DOCK1: variants seen among roughly 807,000 people sequenced by gnomAD.
DOCK1 encodes the protein dedicator of cytokinesis protein 1.
Under a neutral mutation model 262.7 loss-of-function variants are expected in DOCK1, and 138 were observed. The observed-to-expected ratio is 0.53, with a 90% CI of 0.46 to 0.61. The LOEUF (loss-of-function observed/expected upper bound fraction) is 0.61, where lower values mean the gene tolerates loss of function less well. Ranked by LOEUF, DOCK1 falls within the 20% of genes least tolerant of loss-of-function variation. The probability of loss-of-function intolerance (pLI) is 0.00; values close to 1 mark genes in which losing one functional copy is unlikely to be tolerated. For synonymous variants in DOCK1, 866 were observed against 867.4 expected (o/e 1.00, Z 0.03); for missense variants, 1,908 against 2,370.7 (o/e 0.80, Z 4.05).
At chr10:127,093,459 C>T (rs1308881077) in intron 23 of DOCK1, among the ~76,000 whole-genome samples, 1 of 151,366 alleles carries the variant, frequency 6.6e-6, no homozygotes, top group East Asian at 1.9e-4. Flanking sequence ...GTCAAGTAAT[C>T]GTCCTACCTC....
Position 127,210,028 on chromosome 10 carries a change from A to G in DOCK1, c.2848-37980A>G, listed in dbSNP as rs187642248. On this transcript the variant is annotated intron_variant, in intron 27 of 51. Transcript: ENST00000623213. ...CTTGACTGCTAGGCTGCTGGTACAA[A>G]TCATCTTTCTCTCTTTCTAGTCACC... Among the ~76,000 whole-genome samples, 152 of 152,278 alleles carry G rather than the reference A, an allele frequency of 1.0e-3. 1 individual carries two copies. The highest frequency in any genetic ancestry group is 3.4e-3 in the African/African-American group (140 of 41,556).
At chr10:127,413,593 G>A (rs1019084172) in intron 43 of DOCK1, among the ~76,000 whole-genome samples, 1 of 152,190 alleles carries the variant, frequency 6.6e-6, no homozygotes, top group Non-Finnish European at 1.5e-5. Context: ...GGGCACTGAC[G>A]AGGAGGAAGA....
At chr10:127,144,908 C>G (rs2051648144) in intron 27 of DOCK1, among the ~76,000 whole-genome samples, 1 of 152,132 alleles carries the variant, frequency 6.6e-6, no homozygotes, top group South Asian at 2.1e-4. Context: ...AGATCTGTCC[C>G]CTTTTCCTGG....
intron 18 of DOCK1, 33 bp from the exon 19 acceptor site, chr10:127,037,686 T>G: frequency 6.5e-7 from 1 of 1,532,748 alleles, no homozygotes; most frequent in Non-Finnish European, 8.8e-7. Flanking sequence ...GTTTCTTGCT[T>G]GTGAAGATCT....
intron 27 of DOCK1, among the ~76,000 whole-genome samples, chr10:127,245,388 C>G (rs539265503): frequency 6.6e-6 from 1 of 152,216 alleles, no homozygotes; most frequent in African/African-American, 2.4e-5. Flanking sequence ...CCGGCAGCAC[C>G]GCCTCTAACT....
At chr10:127,198,744 CTT>C (rs3083933) in intron 27 of DOCK1, among the ~76,000 whole-genome samples, 6 of 146,370 alleles carry the variant, frequency 4.1e-5, no homozygotes, top group African/African-American at 7.5e-5. Context: ...GGCATCGCTT[CTT>C]TTTTTTTTTT....
At chr10:127,182,305 G>C (rs1366723101) in intron 27 of DOCK1, among the ~76,000 whole-genome samples, 2 of 151,964 alleles carry the variant, frequency 1.3e-5, no homozygotes, top group East Asian at 3.9e-4. Flanking sequence ...CACTCTTAAC[G>C]AACAAAAAAA....
chr10:127,392,131 C>T (rs2066515773), intron 38 of DOCK1, among the ~76,000 whole-genome samples: 2 of 151,890 alleles, frequency 1.3e-5, no homozygotes, highest in South Asian at 4.2e-4. Context: ...TCTCGTGTGA[C>T]GGCTGCCATG....
chr10:127,106,381 C>A, intron 24 of DOCK1, 80 bp downstream of exon 24: 1 of 1,468,450 alleles, frequency 6.8e-7, no homozygotes, highest in South Asian at 1.3e-5. Flanking sequence ...ATGGGATGCT[C>A]AGGGTTCTGC....
At chr10:126,955,526 A>C (rs2036660381) in intron 1 of DOCK1, among the ~76,000 whole-genome samples, 1 of 152,102 alleles carries the variant, frequency 6.6e-6, no homozygotes, top group Non-Finnish European at 1.5e-5. Flanking sequence ...TGTTCTGTGG[A>C]GCCCCGCCCA....
In DOCK1 at chr10:127,012,500, G is replaced by A. The variant is rs1012091186; in HGVS notation, c.1201+126G>A. The A allele has an allele frequency of 1.5e-5, 12 of 805,362 alleles. No homozygotes were observed. Among genetic ancestry groups the A allele is most frequent in the African/African-American group, 1.2e-4 (7 of 59,098 alleles). 49.9% of individuals were successfully genotyped at this position (805,362 alleles called of 1,614,324 possible). A position where few individuals can be genotyped will look rare whatever the true frequency, so the allele number is the denominator to read the frequency against. ...GATAATGATGGGGATGACAGTGATCGTGGTGGAGAATGTGTGTGACAGTTG... is the reference window on the plus strand; with the variant it reads ...GATAATGATGGGGATGACAGTGATCATGGTGGAGAATGTGTGTGACAGTTG... On this transcript the variant is annotated intron_variant, in intron 12 of 51. Coordinates refer to ENST00000623213, the MANE Select transcript of DOCK1 (RefSeq NM_001290223.2). The surrounding 1 kb of genome is among the most constrained non-coding windows in gnomAD (Gnocchi z 4.0).
intron 29 of DOCK1, among the ~76,000 whole-genome samples, chr10:127,313,621 G>A (rs901949552): frequency 4.6e-5 from 7 of 152,128 alleles, no homozygotes; most frequent in African/African-American, 1.7e-4. Flanking sequence ...TCAGAAGGAT[G>A]GAGTCCTGAG....
At chr10:127,341,583 T>G (rs1327577749) in intron 30 of DOCK1, among the ~76,000 whole-genome samples, 2 of 152,230 alleles carry the variant, frequency 1.3e-5, no homozygotes, top group Non-Finnish European at 2.9e-5. Context: ...TTTTTCTGGT[T>G]TTTTTCTAGG....
chr10:127,441,924 A>G (rs973255786), intron 49 of DOCK1, among the ~76,000 whole-genome samples: 12 of 152,072 alleles, frequency 7.9e-5, no homozygotes, highest in Non-Finnish European at 1.5e-4. Context: ...CTGAGTCAGA[A>G]TGTGCCCTCC....
intron 23 of DOCK1, among the ~76,000 whole-genome samples, chr10:127,064,094 T>G (rs1261104985): frequency 1.3e-5 from 2 of 152,240 alleles, no homozygotes; most frequent in Non-Finnish European, 2.9e-5. Context: ...AAATACCTTG[T>G]GAACCATCTT....
At chr10:127,367,960 C>T (rs145489794) in intron 33 of DOCK1, among the ~76,000 whole-genome samples, 1,562 of 152,298 alleles carry the variant, frequency 0.01, 25 homozygotes, top group African/African-American at 0.035. Flanking sequence ...CCTGGGGTGG[C>T]CCCCAGCCCT....
intron 38 of DOCK1, among the ~76,000 whole-genome samples, chr10:127,395,436 A>G (rs1381061346): frequency 6.6e-6 from 1 of 152,184 alleles, no homozygotes; most frequent in South Asian, 2.1e-4. Context: ...CGAAGGCCTC[A>G]TCTCCTAATG....
At chr10:126,987,047 C>A (rs535902692) in intron 4 of DOCK1, among the ~76,000 whole-genome samples, 3 of 152,148 alleles carry the variant, frequency 2.0e-5, no homozygotes, top group Non-Finnish European at 2.9e-5. Context: ...TCTCATATTT[C>A]GCCAAGGATA....
rs781734200 is a variant in DOCK1 at position 126,905,601 on chromosome 10, G to C, written c.46+38G>C. The stretch of plus-strand genomic sequence containing the variant: ...GCCGCCGCCGCGCCTCTCGCCCCAA[G>C]CCCAGGCTCCGGCGGGGCGGGTGTG... On this transcript the variant is annotated intron_variant, in intron 1 of 51. Transcript: ENST00000623213. 9.5e-5 allele frequency: 31 copies of C among 325,406 alleles called. 1 individual carries two copies. The highest frequency in any genetic ancestry group is 5.9e-4 in the African/African-American group (27 of 45,600). The allele number at this position is 325,406 out of a possible 1,614,324, so 20.2% of individuals were successfully genotyped here.
Sources: allele counts gnomAD v4.1 joint callset (sites outside exome capture counted in the v4.1 genomes callset), GRCh38; gene constraint gnomAD v4.1.1; non-coding constraint Gnocchi (gnomAD v3.1); transcripts MANE v1.5; gene names NCBI Gene and HGNC (gene_info 2026-07-23, HGNC 2026-07-21).